Variants in DENND1A observed in about 807,000 individuals in gnomAD.
DENND1A encodes DENN domain-containing protein 1A.
In DENND1A, 51 loss-of-function variants were observed where a neutral mutation model predicts 113.7. The ratio of observed to expected loss-of-function variants is 0.45; its 90% CI spans 0.36 to 0.57. The LOEUF (loss-of-function observed/expected upper bound fraction) is 0.57. DENND1A is among the 20% of genes least tolerant of loss of function. The pLI, the probability that DENND1A is intolerant of heterozygous loss-of-function variation, is 0.00. For missense variants in DENND1A, 1,258 were observed against 1,395.9 expected (o/e 0.90, Z 1.57); for synonymous variants, 565 against 570.8 (o/e 0.99, Z 0.14).
At chr9:123,578,607 T>C (rs867790292) in intron 12 of DENND1A, among the ~76,000 whole-genome samples, 3 of 152,324 alleles carry the variant, frequency 2.0e-5, no homozygotes, top group Middle Eastern at 3.4e-3. Flanking sequence ...TCATCTACCA[T>C]AATAACCCAA....
At chr9:123,412,361 C>T (rs2044373577) in intron 19 of DENND1A, among the ~76,000 whole-genome samples, 1 of 152,370 alleles carries the variant, frequency 6.6e-6, no homozygotes, top group African/African-American at 2.4e-5. Flanking sequence ...ACTGGCCTGC[C>T]AAACGTGTGC....
At chr9:123,592,503 G>A (rs2059504030) in intron 11 of DENND1A, among the ~76,000 whole-genome samples, 1 of 152,094 alleles carries the variant, frequency 6.6e-6, no homozygotes, top group Non-Finnish European at 1.5e-5. Flanking sequence ...CCAGGACAGT[G>A]GTCATCCTTG....
chr9:123,671,597 T>A (rs1295423859), intron 6 of DENND1A, among the ~76,000 whole-genome samples: 1 of 152,188 alleles, frequency 6.6e-6, no homozygotes, highest in African/African-American at 2.4e-5. Flanking sequence ...TTCTACTCAG[T>A]GAGACACCTA....
intron 2 of DENND1A, among the ~76,000 whole-genome samples, chr9:123,825,196 T>C (rs1391061531): frequency 6.6e-6 from 1 of 152,070 alleles, no homozygotes; most frequent in Admixed American, 6.5e-5. Context: ...TACAGTTCTC[T>C]AGATTTTTTA....
chr9:123,671,167 G>A (rs1174378665), intron 7 of DENND1A, 124 bp downstream of exon 7: 1 of 1,077,758 alleles, frequency 9.3e-7, no homozygotes, highest in Non-Finnish European at 1.4e-6. Flanking sequence ...AGAGGTCTCA[G>A]AGTATTTGGG....
chr9:123,434,622 C>T (rs148509348), intron 19 of DENND1A, among the ~76,000 whole-genome samples: 11 of 152,108 alleles, frequency 7.2e-5, no homozygotes, highest in African/African-American at 1.7e-4. Context: ...TGCAGGGCTG[C>T]GTGACAAGCG....
intron 2 of DENND1A, among the ~76,000 whole-genome samples, chr9:123,809,977 A>G (rs957759416): frequency 1.3e-5 from 2 of 152,142 alleles, no homozygotes; most frequent in Admixed American, 1.3e-4. Context: ...CTGGTCAACA[A>G]TGAGAATTTT....
intron 2 of DENND1A, among the ~76,000 whole-genome samples, chr9:123,834,694 G>A (rs1423962294): frequency 1.3e-5 from 2 of 152,092 alleles, no homozygotes; most frequent in South Asian, 2.1e-4. Flanking sequence ...GAAACAAAAC[G>A]GACTTCTCAA....
At chr9:123,505,627 T>A (rs2052859761) in intron 13 of DENND1A, among the ~76,000 whole-genome samples, 1 of 152,240 alleles carries the variant, frequency 6.6e-6, no homozygotes, top group Non-Finnish European at 1.5e-5. Flanking sequence ...TTTATTTTAA[T>A]TGGGGTCAGA....
chr9:123,636,242 T>C (rs888030053), intron 9 of DENND1A, among the ~76,000 whole-genome samples: 2 of 152,132 alleles, frequency 1.3e-5, no homozygotes, highest in African/African-American at 2.4e-5. Flanking sequence ...AGAACTCAGA[T>C]GTAGATGACC....
intron 3 of DENND1A, among the ~76,000 whole-genome samples, chr9:123,790,316 T>C (rs891472986): frequency 1.3e-5 from 2 of 152,030 alleles, no homozygotes; most frequent in African/African-American, 2.4e-5. Flanking sequence ...AACATATTTC[T>C]GGGAATTTGA....
chr9:123,806,356 A>G (rs1835566141), intron 2 of DENND1A, among the ~76,000 whole-genome samples: 1 of 152,088 alleles, frequency 6.6e-6, no homozygotes, highest in South Asian at 2.1e-4. Context: ...CCTGGGTTCA[A>G]GCGATTCTCC....
intron 4 of DENND1A, among the ~76,000 whole-genome samples, chr9:123,761,698 T>C (rs2071055278): frequency 6.6e-6 from 1 of 152,168 alleles, no homozygotes; most frequent in Non-Finnish European, 1.5e-5. Flanking sequence ...ACCAGTAGGC[T>C]CTAAAAGATT....
At chr9:123,551,979 A>AAG (rs1194653709) in intron 13 of DENND1A, among the ~76,000 whole-genome samples, 3 of 141,580 alleles carry the variant, frequency 2.1e-5, no homozygotes, top group South Asian at 4.5e-4. Context: ...TTCATTAGGA[A>AAG]AGAGAGAGAG....
chr9:123,589,533 C>A (rs888956404), intron 11 of DENND1A, among the ~76,000 whole-genome samples: 1 of 150,654 alleles, frequency 6.6e-6, no homozygotes, highest in African/African-American at 2.4e-5. Context: ...GACAGCTCTC[C>A]GGTAGCTTGT....
chr9:123,846,973 A>G (rs971435970), intron 2 of DENND1A, among the ~76,000 whole-genome samples: 1 of 152,244 alleles, frequency 6.6e-6, no homozygotes, highest in Non-Finnish European at 1.5e-5. Context: ...CTTATTAAAA[A>G]TAATTAAAAT....
At chr9:123,550,040 C>A (rs973155532) in intron 13 of DENND1A, among the ~76,000 whole-genome samples, 1 of 152,226 alleles carries the variant, frequency 6.6e-6, no homozygotes, top group Admixed American at 6.5e-5. Flanking sequence ...TCCAACACAA[C>A]CTCGTGCATT....
Position 123,609,479 on chromosome 9 carries a change from G to A in DENND1A, c.722C>T (p.Ala241Val). 6.2e-7 allele frequency: 1 copy of A among 1,613,076 alleles called. No individual in the cohort carries two copies. Among genetic ancestry groups the A allele is most frequent in the Non-Finnish European group, 8.5e-7 (1 of 1,179,542 alleles). Residue 241 changes from alanine (A) to valine (V), a missense_variant and splice_region_variant, in exon 11 of 24, where the codon GCT becomes GTT. Ala to Val is a moderately conservative substitution (Grantham distance 64, BLOSUM62 0). This residue lies in a region of DENND1A where 1,159 missense variants were observed against 1,231.7 expected (regional missense o/e 0.94). Coordinates refer to ENST00000394215, the MANE Select transcript of DENND1A (RefSeq NM_001352964.2). ...LPPHLLDYCC[A>V]PMPYLIGIHL... is the part of the protein sequence containing the mutation. ...GATTCCTATGAGGTAGGGCATGGGA[G>A]CACTGTGAAGAGAAACAGAGACACA...
chr9:123,774,178 C>G (rs765886529), intron 3 of DENND1A, among the ~76,000 whole-genome samples: 5 of 152,070 alleles, frequency 3.3e-5, no homozygotes, highest in Non-Finnish European at 7.4e-5. Flanking sequence ...AAGGGAAATG[C>G]TGACCCTCTA....
Sources: allele counts gnomAD v4.1 joint callset (sites outside exome capture counted in the v4.1 genomes callset), GRCh38; gene constraint gnomAD v4.1.1; regional missense constraint gnomAD v4.1.1; transcripts MANE v1.5; gene names NCBI Gene and HGNC (gene_info 2026-07-23, HGNC 2026-07-21).